The following ANXA4 variants were observed in gnomAD, a reference collection of about 807,000 sequenced individuals.
The protein encoded by ANXA4 is annexin A4.
ANXA4 carries 39 observed loss-of-function variants against 49.8 expected under a neutral mutation model. That is an observed-to-expected ratio of 0.78 (90% confidence interval 0.61 to 1.02). The LOEUF (loss-of-function observed/expected upper bound fraction) is 1.02, where lower values mean the gene tolerates loss of function less well. Among genes scored for constraint, ANXA4 ranks in the 50% least tolerant of loss-of-function variants. The pLI, the probability that ANXA4 is intolerant of heterozygous loss-of-function variation, is 0.00. For synonymous variants in ANXA4, 134 were observed against 152.5 expected (o/e 0.88, Z 0.89); for missense variants, 360 against 410.1 (o/e 0.88, Z 1.05).
At chr2:69,794,334 G>C (rs755948647) in intron 3 of ANXA4, among the ~76,000 whole-genome samples, 2 of 152,166 alleles carry the variant, frequency 1.3e-5, no homozygotes, top group Non-Finnish European at 2.9e-5. Flanking sequence ...TTGGAGGCAG[G>C]CTGACCATCC....
intron 2 of ANXA4, among the ~76,000 whole-genome samples, chr2:69,697,847 G>A (rs1573115322): frequency 6.6e-6 from 1 of 152,064 alleles, no homozygotes. Flanking sequence ...CCTGGGGCCA[G>A]GTGTGGTGGC....
intron 1 of ANXA4, among the ~76,000 whole-genome samples, chr2:69,751,676 A>C (rs574953176): frequency 6.6e-6 from 1 of 152,074 alleles, no homozygotes; most frequent in African/African-American, 2.4e-5. Flanking sequence ...CTGAGTATCT[A>C]GGGGATCCAG....
At chr2:69,670,310 C>T (rs1677122749) in intron 2 of ANXA4, among the ~76,000 whole-genome samples, 1 of 151,840 alleles carries the variant, frequency 6.6e-6, no homozygotes, top group Non-Finnish European at 1.5e-5. Flanking sequence ...TGTAGTGGCA[C>T]ACACTTCTAG....
intron 1 of ANXA4, among the ~76,000 whole-genome samples, chr2:69,755,068 T>A (rs1205310562): frequency 6.6e-6 from 1 of 152,250 alleles, no homozygotes; most frequent in African/African-American, 2.4e-5. Context: ...GAAAACATGC[T>A]AAGTGAAATA....
chr2:69,751,627 CA>C (rs1455380014), intron 1 of ANXA4, among the ~76,000 whole-genome samples: 1 of 151,928 alleles, frequency 6.6e-6, no homozygotes, highest in African/African-American at 2.4e-5. Flanking sequence ...AAGTCCAAAC[CA>C]CTTGTCCAAG....
intron 2 of ANXA4, among the ~76,000 whole-genome samples, chr2:69,700,031 G>GTT (rs764406899): frequency 1.6e-4 from 24 of 152,070 alleles, no homozygotes; most frequent in Non-Finnish European, 3.1e-4. Context: ...GAAGGAGAGA[G>GTT]GGAAAAACTG....
At chr2:69,730,147 C>G (rs1670057778) in intron 3 of ANXA4, among the ~76,000 whole-genome samples, 2 of 152,092 alleles carry the variant, frequency 1.3e-5, no homozygotes, top group African/African-American at 4.8e-5. Context: ...TGAGACCACC[C>G]TGGGCAACAT....
chr2:69,707,127 T>A (rs1391972557), intron 2 of ANXA4, among the ~76,000 whole-genome samples: 10 of 152,250 alleles, frequency 6.6e-5, no homozygotes, highest in Non-Finnish European at 8.8e-5. Context: ...GCTCTCCTCA[T>A]TTAGCTCTGG....
chr2:69,793,419 G>A (rs1438556335), intron 3 of ANXA4, among the ~76,000 whole-genome samples: 1 of 152,050 alleles, frequency 6.6e-6, no homozygotes, highest in African/African-American at 2.4e-5. Flanking sequence ...AGGTACCACA[G>A]CTTTTACTTT....
intron 2 of ANXA4, among the ~76,000 whole-genome samples, chr2:69,656,231 A>G (rs1369027810): frequency 1.6e-5 from 2 of 129,024 alleles, no homozygotes; most frequent in Admixed American, 8.6e-5. Context: ...GTATATATGT[A>G]TATATATACG....
Position 69,826,497 on chromosome 2 carries a change from T to G in ANXA4, c.*982T>G, listed in dbSNP as rs1674476399. On this transcript the variant is annotated 3_prime_UTR_variant, in exon 13 of 13. Coordinates refer to ENST00000394295, the MANE Select transcript of ANXA4 (RefSeq NM_001153.5). ...AAATAATTTTAATTTAAAAATGGTG[T>G]TTTTAGGCCGGGGGCGGGGGCTCAC... 1 of 152,166 alleles carries G rather than the reference T, an allele frequency of 6.6e-6. No homozygotes were observed. Among genetic ancestry groups the G allele is most frequent in the African/African-American group, 2.4e-5 (1 of 41,438 alleles). 9.4% of individuals were successfully genotyped at this position (152,166 alleles called of 1,614,324 possible).
chr2:69,685,744 T>C (rs968815706), intron 2 of ANXA4, among the ~76,000 whole-genome samples: 6 of 152,212 alleles, frequency 3.9e-5, no homozygotes, highest in African/African-American at 1.2e-4. Flanking sequence ...CTTAACTCAA[T>C]ATGAGTCAGA....
chr2:69,685,856 G>A (rs1430692609), intron 2 of ANXA4, among the ~76,000 whole-genome samples: 1 of 152,044 alleles, frequency 6.6e-6, no homozygotes, highest in Non-Finnish European at 1.5e-5. Context: ...GAGAGGGAGG[G>A]ACCTTGATTT....
intron 6 of ANXA4, chr2:69,808,311 C>A: frequency 3.4e-6 from 1 of 296,814 alleles, no homozygotes; most frequent in Admixed American, 4.7e-5. Flanking sequence ...GTGGCACCAG[C>A]AGATCTTAGC....
chr2:69,644,170 C>T (rs1469190377), upstream of ANXA4, among the ~76,000 whole-genome samples: 1 of 37,874 alleles, frequency 2.6e-5, no homozygotes, highest in African/African-American at 9.1e-5. Flanking sequence ...TAAGTTCCCC[C>T]CCCCCCCCCC....
chr2:69,766,538 C>T (rs1345750439), intron 1 of ANXA4, among the ~76,000 whole-genome samples: 1 of 152,122 alleles, frequency 6.6e-6, no homozygotes, highest in Non-Finnish European at 1.5e-5. Context: ...GCTCCAACCA[C>T]TTTGTTATAG....
At chr2:69,693,054 TA>T (rs1202120351) in intron 2 of ANXA4, among the ~76,000 whole-genome samples, 3 of 152,204 alleles carry the variant, frequency 2.0e-5, no homozygotes, top group Non-Finnish European at 4.4e-5. Flanking sequence ...TGGGTTATAT[TA>T]GGTTAAATAG....
At chr2:69,805,305 A>G (rs753273250) in intron 4 of ANXA4, among the ~76,000 whole-genome samples, 2 of 152,010 alleles carry the variant, frequency 1.3e-5, no homozygotes, top group Non-Finnish European at 1.5e-5. Flanking sequence ...GAAACAGGTG[A>G]CTAGTTAAAG....
chr2:69,678,389 C>CTTTTTTTTTTTTT (rs150952411), intron 2 of ANXA4, among the ~76,000 whole-genome samples: 24 of 78,338 alleles, frequency 3.1e-4, no homozygotes, highest in Non-Finnish European at 4.1e-4. Context: ...CTTTTCTTTT[C>CTTTTTTTTTTTTT]TTTTTTTTTT....
Sources: allele counts gnomAD v4.1 joint callset (sites outside exome capture counted in the v4.1 genomes callset), GRCh38; gene constraint gnomAD v4.1.1; transcripts MANE v1.5; gene names NCBI Gene and HGNC (gene_info 2026-07-23, HGNC 2026-07-21).